PTPDC1: variants seen among roughly 807,000 people sequenced by gnomAD.
PTPDC1 encodes protein tyrosine phosphatase domain containing 1.
PTPDC1 carries 53 observed loss-of-function variants against 75.3 expected under a neutral mutation model. The ratio of observed to expected loss-of-function variants is 0.70; its 90% CI spans 0.56 to 0.88. The LOEUF is 0.88. Among genes scored for constraint, PTPDC1 ranks in the 40% least tolerant of loss-of-function variants. The pLI is 0.00. For missense variants in PTPDC1, 925 were observed against 998.6 expected, an observed-to-expected ratio of 0.93 and a Z score of 0.99; for synonymous variants, 349 against 366.2, an observed-to-expected ratio of 0.95 and a Z score of 0.54.
chr9:94,090,856 T>C (rs2118009918), intron 4 of PTPDC1, among the ~76,000 whole-genome samples: 1 of 142,136 alleles, frequency 7.0e-6, no homozygotes, highest in African/African-American at 2.6e-5. Flanking sequence ...TGAATGGGAG[T>C]TCACTCATGA....
At chr9:94,033,631 T>C (rs1166289668) in intron 1 of PTPDC1, among the ~76,000 whole-genome samples, 1 of 152,238 alleles carries the variant, frequency 6.6e-6, no homozygotes, top group Non-Finnish European at 1.5e-5. Context: ...AGACAGCATG[T>C]GTAAAGCCCT....
intron 1 of PTPDC1, among the ~76,000 whole-genome samples, chr9:94,062,350 G>C (rs1429556657): frequency 1.3e-5 from 2 of 152,110 alleles, no homozygotes. Flanking sequence ...AAGTCTCTAG[G>C]AAGTTCCAAA....
At chr9:94,033,841 A>T (rs1829773158) in intron 1 of PTPDC1, among the ~76,000 whole-genome samples, 1 of 152,206 alleles carries the variant, frequency 6.6e-6, no homozygotes, top group African/African-American at 2.4e-5. Context: ...CCATCTTTTT[A>T]AAAAACTTTG....
intron 1 of PTPDC1, among the ~76,000 whole-genome samples, chr9:94,039,770 C>T (rs907531975): frequency 6.6e-6 from 1 of 152,100 alleles, no homozygotes; most frequent in Admixed American, 6.6e-5. Flanking sequence ...TACCAGTAAG[C>T]AGAAAAGAAA....
intron 1 of PTPDC1, among the ~76,000 whole-genome samples, chr9:94,057,015 C>T (rs553789499): frequency 1.3e-4 from 20 of 152,320 alleles, no homozygotes; most frequent in African/African-American, 4.8e-4. Flanking sequence ...CCTGATTCTA[C>T]AGCCAGGCAT....
intron 1 of PTPDC1, among the ~76,000 whole-genome samples, chr9:94,056,004 A>T (rs1825921634): frequency 6.6e-6 from 1 of 152,172 alleles, no homozygotes; most frequent in Non-Finnish European, 1.5e-5. Context: ...GTTGATTATA[A>T]CAAACTTACC....
At chr9:94,063,010 A>G (rs1347144812) in intron 1 of PTPDC1, among the ~76,000 whole-genome samples, 1 of 152,220 alleles carries the variant, frequency 6.6e-6, no homozygotes, top group Non-Finnish European at 1.5e-5. Flanking sequence ...CCCATGGTCT[A>G]CAGGGGAGAC....
intron 2 of PTPDC1, among the ~76,000 whole-genome samples, chr9:94,076,296 G>A (rs771029184): frequency 9.2e-5 from 14 of 152,076 alleles, no homozygotes; most frequent in South Asian, 4.1e-4. Flanking sequence ...GACCCACTAC[G>A]CCTGGCCACT....
chr9:94,078,252 C>T (rs921997975), intron 2 of PTPDC1, among the ~76,000 whole-genome samples: 1 of 152,156 alleles, frequency 6.6e-6, no homozygotes, highest in Non-Finnish European at 1.5e-5. Context: ...CTTTATTTCC[C>T]CTTCATTTTT....
rs747609845 is a variant in PTPDC1, at chr9:94,107,906, A to G, written c.2389A>G (p.Arg797Gly). Residue 797 changes from arginine to glycine, a missense_variant, in exon 9 of 9, where the codon AGA becomes GGA. Coordinates refer to ENST00000620992, the MANE Select transcript of PTPDC1 (RefSeq NM_001253829.2). ...KIFKHTLEEKRKMTKDGPKPG... is the reference protein window; with the variant it reads ...KIFKHTLEEKGKMTKDGPKPG... ...ATTTAAGCACACGCTGGAAGAAAAA[A>G]GAAAAATGACAAAAGATGGCCCTAA... 3 of 1,609,320 alleles carry G rather than the reference A, an allele frequency of 1.9e-6. No individual in the cohort carries two copies. The East Asian group carries it at 6.7e-5, about 36-fold the overall frequency.
chr9:94,092,211 G>T (rs1328080419), intron 4 of PTPDC1, among the ~76,000 whole-genome samples: 3 of 149,646 alleles, frequency 2.0e-5, no homozygotes, highest in Non-Finnish European at 3.0e-5. Flanking sequence ...GCTTTCTCTT[G>T]TGGGCATTTA....
In PTPDC1 at chr9:94,087,398, T is replaced by C. The variant is rs367801965; in HGVS notation, c.417-433T>C. ...GAAATAATCTGTACCCCAAAAACTA[T>C]TGAAATTTTAAAAATTAACCTAAAG... is the stretch of plus-strand genomic sequence containing the variant. On this transcript the variant is annotated intron_variant, in intron 2 of 8. Coordinates refer to ENST00000620992, the MANE Select transcript of PTPDC1 (RefSeq NM_001253829.2). Among the ~76,000 whole-genome samples the C allele has an allele frequency of 8.9e-4, 135 of 152,224 alleles. 1 individual carries two copies. Among genetic ancestry groups the C allele is most frequent in the African/African-American group, 3.1e-3 (127 of 41,522 alleles).
chr9:94,032,096 C>G (rs1419456334), intron 1 of PTPDC1, among the ~76,000 whole-genome samples: 1 of 152,164 alleles, frequency 6.6e-6, no homozygotes, highest in African/African-American at 2.4e-5. Context: ...GTGTCACAGT[C>G]AGAGCTATTA....
At chr9:94,045,658 G>A (rs1314541337) in intron 1 of PTPDC1, among the ~76,000 whole-genome samples, 2 of 152,150 alleles carry the variant, frequency 1.3e-5, no homozygotes, top group Non-Finnish European at 2.9e-5. Flanking sequence ...AGAAGTGTCT[G>A]TTCATATCCT....
Position 94,087,845 on chromosome 9 carries a change from T to C in PTPDC1, c.431T>C (p.Ile144Thr). 1 of 1,613,692 alleles carries C rather than the reference T, an allele frequency of 6.2e-7. No individual in the cohort carries two copies. The highest frequency in any genetic ancestry group is 8.5e-7 in the Non-Finnish European group (1 of 1,179,620). ...CCTATTTGCAGGGTCACTGATAATA[T>C]ACTGGCCATGGCCCGCCCATCCTCT... ...GVYSSWVTDN[I>T]LAMARPSSEL... Residue 144 changes from isoleucine to threonine, a missense_variant, in exon 3 of 9, where the codon ATA becomes ACA. Physicochemically the swap from Ile to Thr is moderately conservative, Grantham distance 89 (BLOSUM62 -1). Transcript: ENST00000620992.
At chr9:94,068,110 A>G (rs1427972906) in intron 2 of PTPDC1, among the ~76,000 whole-genome samples, 2 of 152,006 alleles carry the variant, frequency 1.3e-5, no homozygotes, top group African/African-American at 2.4e-5. Context: ...GGGCAGTGCT[A>G]TATTCCTCCC....
chr9:94,038,363 A>T lies in PTPDC1; in HGVS notation c.-7+7236A>T. On this transcript the variant is annotated intron_variant, in intron 1 of 9. Coordinates refer to the PTPDC1 transcript ENST00000375360. The stretch of plus-strand genomic sequence containing the variant: ...GTGAGTAATTATTGACCACTGCCTT[A>T]TTTATTACAAATGTCTCATGACTTT... 3 of 496,008 alleles carry T rather than the reference A, an allele frequency of 6.0e-6. No homozygotes were observed. The South Asian group carries it at 6.4e-5, about 11-fold the overall frequency. 30.7% of individuals were successfully genotyped at this position (496,008 alleles called of 1,614,324 possible).
intron 1 of PTPDC1, among the ~76,000 whole-genome samples, chr9:94,047,178 C>A (rs1353102037): frequency 6.6e-6 from 1 of 152,208 alleles, no homozygotes; most frequent in Non-Finnish European, 1.5e-5. Flanking sequence ...ACCAGCCTTG[C>A]ATCCCAGGGA....
At chr9:94,091,435 A>G (rs1002114060) in intron 4 of PTPDC1, among the ~76,000 whole-genome samples, 1 of 152,012 alleles carries the variant, frequency 6.6e-6, no homozygotes, top group African/African-American at 2.4e-5. Context: ...GATGAAGCCC[A>G]GTTGATCATG....
Sources: gnomAD v4.1 joint callset for allele counts (sites outside exome capture counted in the v4.1 genomes callset) on GRCh38, gnomAD v4.1.1 for gene constraint, MANE v1.5 for transcripts, NCBI Gene and HGNC (gene_info 2026-07-23, HGNC 2026-07-21) for gene names.